Variants in CCDC91 observed in about 807,000 individuals in gnomAD.
CCDC91 encodes the protein coiled-coil domain-containing protein 91.
Under a neutral mutation model 63.2 loss-of-function variants are expected in CCDC91, and 48 were observed. The observed-to-expected ratio is 0.76, with a 90% CI of 0.60 to 0.97. The LOEUF is 0.97. CCDC91 is among the 50% of genes least tolerant of loss of function. The pLI, the probability that CCDC91 is intolerant of heterozygous loss-of-function variation, is 0.00. For synonymous variants in CCDC91, 167 were observed against 165.8 expected, an observed-to-expected ratio of 1.01 and a Z score of -0.06; for missense variants, 500 against 494.6, an observed-to-expected ratio of 1.01 and a Z score of -0.10.
intron 12 of CCDC91, among the ~76,000 whole-genome samples, chr12:28,526,299 T>G (rs1006347333): frequency 6.6e-6 from 1 of 152,140 alleles, no homozygotes; most frequent in African/African-American, 2.4e-5. Flanking sequence ...GGCTTGGTAG[T>G]GGCAAATTTT....
chr12:28,508,696 C>G (rs774696020), intron 12 of CCDC91, among the ~76,000 whole-genome samples: 1 of 151,866 alleles, frequency 6.6e-6, no homozygotes, highest in Non-Finnish European at 1.5e-5. Context: ...TCTACTGTTT[C>G]CTCTCGTGGA....
intron 8 of CCDC91, among the ~76,000 whole-genome samples, chr12:28,402,059 A>G (rs1946655020): frequency 6.6e-6 from 1 of 152,024 alleles, no homozygotes; most frequent in Non-Finnish European, 1.5e-5. Flanking sequence ...ATTTTGTTCC[A>G]TTGATCTAGT....
intron 11 of CCDC91, among the ~76,000 whole-genome samples, chr12:28,458,516 C>A (rs534053133): frequency 8.4e-6 from 1 of 118,660 alleles, no homozygotes; most frequent in South Asian, 3.1e-4. Context: ...GTCGCCCAGG[C>A]TGGATTGCAG....
intron 8 of CCDC91, among the ~76,000 whole-genome samples, chr12:28,429,851 G>A (rs1036351257): frequency 3.3e-5 from 5 of 151,650 alleles, no homozygotes; most frequent in Non-Finnish European, 7.4e-5. Context: ...AAATTTAATC[G>A]CATCCCAAAA....
At chr12:28,317,156 G>A (rs1939981729) in intron 6 of CCDC91, among the ~76,000 whole-genome samples, 1 of 151,746 alleles carries the variant, frequency 6.6e-6, no homozygotes, top group African/African-American at 2.4e-5. Flanking sequence ...GACTATTGAT[G>A]GTTTGTCTTC....
intron 7 of CCDC91, among the ~76,000 whole-genome samples, chr12:28,366,788 G>T (rs772370187): frequency 6.6e-6 from 1 of 152,062 alleles, no homozygotes; most frequent in Non-Finnish European, 1.5e-5. Flanking sequence ...TGGTTTCAGT[G>T]GATGGTTTGT....
intron 8 of CCDC91, among the ~76,000 whole-genome samples, chr12:28,446,443 G>A (rs1224118297): frequency 2.0e-5 from 3 of 152,078 alleles, no homozygotes; most frequent in Non-Finnish European, 4.4e-5. Context: ...GAAACTTCAA[G>A]GAAACAGAGA....
chr12:28,525,902 G>T (rs1459863009), intron 12 of CCDC91, among the ~76,000 whole-genome samples: 1 of 151,940 alleles, frequency 6.6e-6, no homozygotes, highest in Non-Finnish European at 1.5e-5. Context: ...ATGTGATATA[G>T]GAATAGCTAC....
intron 3 of CCDC91, among the ~76,000 whole-genome samples, chr12:28,300,438 G>T (rs932624622): frequency 1.1e-4 from 16 of 151,322 alleles, no homozygotes; most frequent in African/African-American, 3.9e-4. Flanking sequence ...GTTAATTGCT[G>T]TGCCAAATAA....
intron 11 of CCDC91, among the ~76,000 whole-genome samples, chr12:28,479,526 A>G (rs1431730749): frequency 6.6e-6 from 1 of 152,278 alleles, no homozygotes; most frequent in African/African-American, 2.4e-5. Context: ...TGACGAGTTA[A>G]TGGGTGCAGC....
intron 6 of CCDC91, among the ~76,000 whole-genome samples, chr12:28,328,119 A>C (rs1941181758): frequency 6.6e-6 from 1 of 152,170 alleles, no homozygotes; most frequent in African/African-American, 2.4e-5. Flanking sequence ...ATGGCTGTCA[A>C]CATCTCTAAG....
At chr12:28,463,702 A>G (rs1950416010) in intron 11 of CCDC91, among the ~76,000 whole-genome samples, 1 of 152,186 alleles carries the variant, frequency 6.6e-6, no homozygotes, top group Non-Finnish European at 1.5e-5. Flanking sequence ...CTTCTGATAA[A>G]TATAATTCAG....
chr12:28,201,897 G>A (rs1406347653), intron 1 of CCDC91, among the ~76,000 whole-genome samples: 12 of 146,516 alleles, frequency 8.2e-5, no homozygotes, highest in Non-Finnish European at 1.5e-4. Context: ...GCGTGGCGTC[G>A]CGTGCCTGCA....
intron 12 of CCDC91, among the ~76,000 whole-genome samples, chr12:28,507,133 C>T (rs1303436887): frequency 6.6e-6 from 1 of 151,870 alleles, no homozygotes; most frequent in Non-Finnish European, 1.5e-5. Flanking sequence ...TTGTATGTTT[C>T]TTGGTTTATA....
chr12:28,500,979 G>A (rs1937761005), intron 12 of CCDC91, among the ~76,000 whole-genome samples: 1 of 151,602 alleles, frequency 6.6e-6, no homozygotes, highest in Non-Finnish European at 1.5e-5. Flanking sequence ...TTTTAAATGT[G>A]TAAGGCTATT....
At chr12:28,408,624 T>C (rs917991490) in intron 8 of CCDC91, among the ~76,000 whole-genome samples, 6 of 152,108 alleles carry the variant, frequency 3.9e-5, no homozygotes, top group Non-Finnish European at 8.8e-5. Flanking sequence ...CTTTGCTCAC[T>C]TTTTGATGGT....
At chr12:28,212,976 G>A (rs1023450191) in intron 1 of CCDC91, among the ~76,000 whole-genome samples, 7 of 152,186 alleles carry the variant, frequency 4.6e-5, no homozygotes, top group South Asian at 4.1e-4. Flanking sequence ...AAACAAATAA[G>A]TTATAGTGAG....
At chr12:28,232,436 T>G (rs962904227) in intron 1 of CCDC91, among the ~76,000 whole-genome samples, 13 of 152,152 alleles carry the variant, frequency 8.5e-5, no homozygotes, top group Admixed American at 8.5e-4. Flanking sequence ...ACTTGTGTGA[T>G]GCCATCAACT....
intron 1 of CCDC91, among the ~76,000 whole-genome samples, chr12:28,245,582 A>G (rs1265095694): frequency 6.6e-6 from 1 of 152,208 alleles, no homozygotes; most frequent in Non-Finnish European, 1.5e-5. Context: ...TGCAATATAC[A>G]CAGCTGACAA....
Sources: gnomAD v4.1 joint callset for allele counts (sites outside exome capture counted in the v4.1 genomes callset) on GRCh38, gnomAD v4.1.1 for gene constraint, MANE v1.5 for transcripts, NCBI Gene and HGNC (gene_info 2026-07-23, HGNC 2026-07-21) for gene names.